Variants in GPR78 observed in about 807,000 individuals in gnomAD.
The protein encoded by GPR78 is G protein-coupled receptor 78.
Under a neutral mutation model 17.9 loss-of-function variants are expected in GPR78, and 29 were observed. The observed-to-expected ratio is 1.62, with a 90% CI of 1.20 to 2.21. The LOEUF (loss-of-function observed/expected upper bound fraction) is 2.21. GPR78 is among the 30% of genes most tolerant of loss of function. GPR78 has a pLI of 0.00. For synonymous variants in GPR78, 349 were observed against 256.9 expected, an observed-to-expected ratio of 1.36 and a Z score of -3.43; for missense variants, 649 against 530.5, an observed-to-expected ratio of 1.22 and a Z score of -2.19.
chr4:8,588,528 A>G lies in GPR78; in HGVS notation c.*1165A>G, dbSNP rs1350850971. On this transcript the variant is annotated 3_prime_UTR_variant, in exon 3 of 3. Transcript: ENST00000382487. Reference sequence around the variant, plus strand: ...AATGAGTGAGCGAGTGAATGAATGGACACGATTCTCTCTTCAGCCTCTGTC... The same window carrying G: ...AATGAGTGAGCGAGTGAATGAATGGGCACGATTCTCTCTTCAGCCTCTGTC... Among the ~76,000 whole-genome samples, 1 of 152,214 alleles carries G rather than the reference A, an allele frequency of 6.6e-6. No individual in the cohort carries two copies. Among genetic ancestry groups the G allele is most frequent in the Non-Finnish European group, 1.5e-5 (1 of 68,040 alleles).
In GPR78 at chr4:8,580,764, G is replaced by C. The variant is rs933508639; in HGVS notation, c.-219G>C. On this transcript the variant is annotated 5_prime_UTR_variant, in exon 1 of 3. Coordinates refer to ENST00000382487, the MANE Select transcript of GPR78 (RefSeq NM_080819.5). The stretch of plus-strand genomic sequence containing the variant: ...TTGCGCTGCCTCCAGGGCGGCCCCG[G>C]GCTGCTCCTGCTCCGCAGAGCTACG... 3.5e-6 allele frequency: 2 copies of C among 574,066 alleles called. No homozygotes were observed. The highest frequency in any genetic ancestry group is 3.9e-5 in the African/African-American group (2 of 50,832). 35.6% of individuals were successfully genotyped at this position (574,066 alleles called of 1,614,324 possible).
chr4:8,581,390 C>T lies in GPR78; in HGVS notation c.408C>T (p.Ala136=), dbSNP rs956415924. The T allele has an allele frequency of 1.3e-6, 2 of 1,585,102 alleles. No homozygotes were observed. The highest frequency in any genetic ancestry group is 1.7e-6 in the Non-Finnish European group (2 of 1,171,076). Residue 136 remains alanine (A), a synonymous_variant, in exon 1 of 3, where the codon GCC becomes GCT. Coordinates refer to ENST00000382487, the MANE Select transcript of GPR78 (RefSeq NM_080819.5). ...GCTGTGCCTGGGGACAGTCGCTGGCCTTCTCAGGCGCTGCACTTGGCTGCT... is the reference window on the plus strand; with the variant it reads ...GCTGTGCCTGGGGACAGTCGCTGGCTTTCTCAGGCGCTGCACTTGGCTGCT... The part of the protein sequence containing the change: ...LLGCAWGQSL[A]FSGAALGCSW...
At position 8,589,761 on chromosome 4, in the gene GPR78, G is replaced by C. The variant is rs904813800; in HGVS notation, c.*2398G>C. On this transcript the variant is annotated 3_prime_UTR_variant, in exon 3 of 3. Coordinates refer to ENST00000382487, the MANE Select transcript of GPR78 (RefSeq NM_080819.5). ...TTAGAGGGAGGCACACTGTTTCTTA[G>C]AGACGGGGACTGCTTGCTGTCATGT... Among the ~76,000 whole-genome samples, 2 of 152,248 alleles carry C rather than the reference G, an allele frequency of 1.3e-5. No individual in the cohort carries two copies. The highest frequency in any genetic ancestry group is 1.3e-4 in the Admixed American group (2 of 15,290).
At chr4:8,585,964 T>C (rs1713487439) in intron 2 of GPR78, among the ~76,000 whole-genome samples, 2 of 152,188 alleles carry the variant, frequency 1.3e-5, no homozygotes, top group Non-Finnish European at 2.9e-5. Context: ...GGGTGGGACA[T>C]CCTGGGACAG....
In GPR78 at chr4:8,587,433, A is replaced by G; in HGVS notation, c.*70A>G. 1 of 1,475,962 alleles carries G rather than the reference A, an allele frequency of 6.8e-7. No homozygotes were observed. The highest frequency in any genetic ancestry group is 1.3e-5 in the South Asian group (1 of 78,858). The allele number at this position is 1,475,962 out of a possible 1,614,324, so 91.4% of individuals were successfully genotyped here. A position where few individuals can be genotyped will look rare whatever the true frequency, so the allele number is the denominator to read the frequency against. The stretch of plus-strand genomic sequence containing the variant: ...GGAAAGGGCACTGGCCCTGCCACAG[A>G]GATGCCACTGGGGACCCCCAGACAC... On this transcript the variant is annotated 3_prime_UTR_variant, in exon 3 of 3. Transcript: ENST00000382487.
chr4:8,580,987 G>A lies in GPR78; in HGVS notation c.5G>A (p.Gly2Asp), dbSNP rs910436427. 1 of 1,580,906 alleles carries A rather than the reference G, an allele frequency of 6.3e-7. No homozygotes were observed. The highest frequency in any genetic ancestry group is 8.6e-7 in the Non-Finnish European group (1 of 1,165,252). ...GCCTGGCGAGCCGCTAGCGCCATGG[G>A]CCCCGGCGAGGCGCTGCTGGCGGGT... M[G>D]PGEALLAGLL... Residue 2 changes from glycine (G) to aspartate (D), a missense_variant, in exon 1 of 3, where the codon GGC becomes GAC. By Grantham distance (94) the Gly-to-Asp change is moderately conservative. Transcript: ENST00000382487.
At chr4:8,581,765 C>G (rs1713301496) in intron 1 of GPR78, 115 bp downstream of exon 1, 2 of 741,888 alleles carry the variant, frequency 2.7e-6, no homozygotes. Flanking sequence ...AGTTCACCAG[C>G]CACAGCACTG....
chr4:8,580,690 A>G lies in GPR78; in HGVS notation c.-293A>G. On this transcript the variant is annotated 5_prime_UTR_variant, in exon 1 of 3. Coordinates refer to ENST00000382487, the MANE Select transcript of GPR78 (RefSeq NM_080819.5). ...CTGCGCCTCGCTTCAGCCTCAGGAC[A>G]GTCCTGCCGGGACGGTGAGCGCATT... 4.1e-6 allele frequency: 2 copies of G among 482,804 alleles called. No individual in the cohort carries two copies. Among genetic ancestry groups the G allele is most frequent in the Non-Finnish European group, 7.2e-6 (2 of 277,270 alleles). 29.9% of individuals were successfully genotyped at this position (482,804 alleles called of 1,614,324 possible).
In GPR78 at chr4:8,587,925, G is replaced by T. The variant is rs892907962; in HGVS notation, c.*562G>T. On this transcript the variant is annotated 3_prime_UTR_variant, in exon 3 of 3. Transcript: ENST00000382487. ...TCTGTGGTCAGGACCTGGCAGGCACGGGCAGTCCCTGGGACATGCCCATCT... is the reference window on the plus strand; with the variant it reads ...TCTGTGGTCAGGACCTGGCAGGCACTGGCAGTCCCTGGGACATGCCCATCT... Among the ~76,000 whole-genome samples, 1 of 152,196 alleles carries T rather than the reference G, an allele frequency of 6.6e-6. No individual in the cohort carries two copies. Among genetic ancestry groups the T allele is most frequent in the African/African-American group, 2.4e-5 (1 of 41,462 alleles).
At position 8,589,133 on chromosome 4, in the gene GPR78, A is replaced by C. The variant is rs983518520; in HGVS notation, c.*1770A>C. Among the ~76,000 whole-genome samples, 10 of 151,986 alleles carry C rather than the reference A, an allele frequency of 6.6e-5. No individual in the cohort carries two copies. The highest frequency in any genetic ancestry group is 1.0e-4 in the Non-Finnish European group (7 of 67,984). ...TGATCCTCCCACCTCAGCCTCCCAA[A>C]GTGCTGGGATTACAGGTGTGAGCCA... On this transcript the variant is annotated 3_prime_UTR_variant, in exon 3 of 3. Coordinates refer to ENST00000382487, the MANE Select transcript of GPR78 (RefSeq NM_080819.5).
At position 8,580,837 on chromosome 4, in the gene GPR78, G is replaced by C; in HGVS notation, c.-146G>C. The C allele has an allele frequency of 1.3e-6, 1 of 786,884 alleles. No individual in the cohort carries two copies. The highest frequency in any genetic ancestry group is 1.9e-6 in the Non-Finnish European group (1 of 515,928). The allele number at this position is 786,884 out of a possible 1,614,324, so 48.7% of individuals were successfully genotyped here. The stretch of plus-strand genomic sequence containing the variant: ...CCCTGCACTTGCCGCCGCTTTCCTC[G>C]CGCTGCTCTGGACCTTGCTAGCCGG... On this transcript the variant is annotated 5_prime_UTR_variant, in exon 1 of 3. Coordinates refer to ENST00000382487, the MANE Select transcript of GPR78 (RefSeq NM_080819.5).
chr4:8,586,913 T>C (rs1019529413), intron 2 of GPR78, 141 bp from the exon 3 acceptor site: 5 of 699,450 alleles, frequency 7.1e-6, no homozygotes, highest in Non-Finnish European at 1.2e-5. Context: ...AGGCTCAGGG[T>C]GCTGGTGCAG....
rs1318098779 is a variant in GPR78, at chr4:8,580,761, C to G, written c.-222C>G. On this transcript the variant is annotated 5_prime_UTR_variant, in exon 1 of 3. Coordinates refer to ENST00000382487, the MANE Select transcript of GPR78 (RefSeq NM_080819.5). The stretch of plus-strand genomic sequence containing the variant: ...CGGTTGCGCTGCCTCCAGGGCGGCC[C>G]CGGGCTGCTCCTGCTCCGCAGAGCT... 1.7e-6 allele frequency: 1 copy of G among 572,578 alleles called. No individual in the cohort carries two copies. The highest frequency in any genetic ancestry group is 3.0e-6 in the Non-Finnish European group (1 of 330,320). The allele number at this position is 572,578 out of a possible 1,614,324, so 35.5% of individuals were successfully genotyped here.
Position 8,586,788 on chromosome 4 carries a change from C to T in GPR78, c.783-266C>T, listed in dbSNP as rs183480985. Among the ~76,000 whole-genome samples, 530 of 152,258 alleles carry T rather than the reference C, an allele frequency of 3.5e-3. 5 individuals are homozygous for T. The highest frequency in any genetic ancestry group is 0.012 in the African/African-American group (503 of 41,544). On this transcript the variant is annotated intron_variant, in intron 2 of 2. Coordinates refer to ENST00000382487, the MANE Select transcript of GPR78 (RefSeq NM_080819.5). ...GGATGGTGGGAGAAGGCCTTGGTGA[C>T]GGTGGCAGTGCTGCCACCTACTGAG...
Position 8,582,525 on chromosome 4 carries a change from C to G in GPR78, c.669-6C>G. ...TCATCCTGACCACTGTCCTCTGTCC[C>G]CACAGTGTGCGGCAGCGCTGCCTCA... On this transcript the variant is annotated splice_region_variant and splice_polypyrimidine_tract_variant and intron_variant, in intron 1 of 2. Coordinates refer to ENST00000382487, the MANE Select transcript of GPR78 (RefSeq NM_080819.5). The G allele has an allele frequency of 1.3e-6, 2 of 1,595,920 alleles. No homozygotes were observed. Among genetic ancestry groups the G allele is most frequent in the Non-Finnish European group, 8.5e-7 (1 of 1,170,888 alleles).
chr4:8,586,789 G>A (rs1013780361), intron 2 of GPR78, among the ~76,000 whole-genome samples: 3 of 152,254 alleles, frequency 2.0e-5, no homozygotes, highest in South Asian at 2.1e-4. Context: ...CCTTGGTGAC[G>A]GTGGCAGTGC....
At chr4:8,582,779 G>C (rs116438375) in intron 2 of GPR78, 135 bp downstream of exon 2, 10 of 652,878 alleles carry the variant, frequency 1.5e-5, no homozygotes, top group Admixed American at 6.8e-5. Flanking sequence ...CACACCTGAC[G>C]GGCTCAGGGC....
At position 8,581,665 on chromosome 4, in the gene GPR78, C is replaced by T. The variant is rs777587775; in HGVS notation, c.668+15C>T. ...CTGCACCCCAGGTATTGGCCCAGTGCATGCCGACAGGCCCAGGCCAGGGAC... is the reference window on the plus strand; with the variant it reads ...CTGCACCCCAGGTATTGGCCCAGTGTATGCCGACAGGCCCAGGCCAGGGAC... On this transcript the variant is annotated intron_variant, in intron 1 of 2. Coordinates refer to ENST00000382487, the MANE Select transcript of GPR78 (RefSeq NM_080819.5). 5.1e-5 allele frequency: 74 copies of T among 1,439,458 alleles called. No homozygotes were observed. The highest frequency in any genetic ancestry group is 6.2e-5 in the Non-Finnish European group (68 of 1,100,396). 89.2% of individuals were successfully genotyped at this position (1,439,458 alleles called of 1,614,324 possible).
chr4:8,587,009 G>C (rs745453887), intron 2 of GPR78, 45 bp from the exon 3 acceptor site: 1 of 1,550,632 alleles, frequency 6.4e-7, no homozygotes, highest in Non-Finnish European at 8.9e-7. Flanking sequence ...GTGCGTGGCA[G>C]GTGCTGTCAC....
Sources: gnomAD v4.1 joint callset for allele counts (sites outside exome capture counted in the v4.1 genomes callset) on GRCh38, gnomAD v4.1.1 for gene constraint, MANE v1.5 for transcripts, NCBI Gene and HGNC (gene_info 2026-07-23, HGNC 2026-07-21) for gene names.